The following IQGAP1 variants were observed in gnomAD, a reference collection of about 807,000 sequenced individuals.
IQGAP1 encodes ras GTPase-activating-like protein IQGAP1.
IQGAP1 carries 66 observed loss-of-function variants against 215.6 expected under a neutral mutation model. The observed-to-expected ratio is 0.31, with a 90% CI of 0.25 to 0.38. The LOEUF is 0.38. Ranked by LOEUF, IQGAP1 falls within the 10% of genes least tolerant of loss-of-function variation. The pLI is 1.00. For synonymous variants in IQGAP1, 772 were observed against 728.7 expected (o/e 1.06, Z -0.96); for missense variants, 1,712 against 1,997.1 (o/e 0.86, Z 2.72).
intron 25 of IQGAP1, 86 bp from the exon 26 acceptor site, chr15:90,477,579 C>G: frequency 1.0e-6 from 1 of 967,732 alleles, no homozygotes; most frequent in African/African-American, 1.6e-5. Context: ...GAAACTGTTT[C>G]AGGGAGATAG....
At chr15:90,461,879 C>A (rs1567134073) in intron 15 of IQGAP1, among the ~76,000 whole-genome samples, 1 of 151,830 alleles carries the variant, frequency 6.6e-6, no homozygotes, top group Admixed American at 6.6e-5. Context: ...GTGGCTTACA[C>A]CTGTAATCTT....
Position 90,429,664 on chromosome 15 carries a change from A to G in IQGAP1, c.388A>G (p.Lys130Glu), listed in dbSNP as rs762526956. 13 of 1,596,804 alleles carry G rather than the reference A, an allele frequency of 8.1e-6. No individual in the cohort carries two copies. In the African/African-American group the frequency reaches 1.5e-4, roughly 18 times the overall value. Residue 130 changes from lysine (K) to glutamate (E), a missense_variant and splice_region_variant, in exon 4 of 38, where the codon AAG becomes GAG. By Grantham distance (56) the Lys-to-Glu change is moderately conservative. Around this residue, in one of 2 missense-constraint regions of IQGAP1, gnomAD observed 1,021 missense variants for 1,074.2 expected, o/e 0.95. Coordinates refer to ENST00000268182, the MANE Select transcript of IQGAP1 (RefSeq NM_003870.4). ...TGCCATGGATGAGATTGGATTGCCT[A>G]AGGTAACTTACCTGAGATAATAGTT... ...LNAMDEIGLP[K>E]IFYPETTDIY...
chr15:90,460,014 T>C (rs1965739301), intron 15 of IQGAP1, among the ~76,000 whole-genome samples: 2 of 150,408 alleles, frequency 1.3e-5, no homozygotes, highest in Non-Finnish European at 3.0e-5. Context: ...CCGGAGTTTT[T>C]TGTGTGGGGG....
chr15:90,414,728 T>C (rs1355609997), intron 2 of IQGAP1, among the ~76,000 whole-genome samples: 4 of 152,194 alleles, frequency 2.6e-5, no homozygotes. Context: ...TATCTACTCT[T>C]GTGGTGCCAT....
chr15:90,389,371 G>A (rs1328887174), intron 1 of IQGAP1, among the ~76,000 whole-genome samples: 4 of 150,436 alleles, frequency 2.7e-5, no homozygotes, highest in Non-Finnish European at 5.9e-5. Context: ...GAGACAGGGG[G>A]TCTTGCTCTG....
chr15:90,458,184 G>A (rs935987341), intron 15 of IQGAP1, among the ~76,000 whole-genome samples: 5 of 152,240 alleles, frequency 3.3e-5, no homozygotes, highest in Admixed American at 1.3e-4. Context: ...TATCCAAGCT[G>A]TAGCAGTAGC....
intron 32 of IQGAP1, 40 bp downstream of exon 32, chr15:90,487,129 T>C: frequency 6.2e-7 from 1 of 1,610,336 alleles, no homozygotes; most frequent in Non-Finnish European, 8.5e-7. Context: ...GAATGTAATC[T>C]GAAGGTTTCT....
chr15:90,404,441 G>T (rs375764385), intron 2 of IQGAP1, among the ~76,000 whole-genome samples: 19 of 152,154 alleles, frequency 1.2e-4, no homozygotes, highest in East Asian at 9.6e-4. Flanking sequence ...AAAGCCATTT[G>T]TATGTTCTTT....
At chr15:90,410,032 G>A (rs1353078010) in intron 2 of IQGAP1, among the ~76,000 whole-genome samples, 1 of 152,098 alleles carries the variant, frequency 6.6e-6, no homozygotes, top group African/African-American at 2.4e-5. Flanking sequence ...TGAGTTCTTT[G>A]TAGGTTCTGG....
chr15:90,419,832 C>G (rs977032736), intron 2 of IQGAP1, among the ~76,000 whole-genome samples: 1 of 152,160 alleles, frequency 6.6e-6, no homozygotes, highest in African/African-American at 2.4e-5. Flanking sequence ...TACTCCTGTT[C>G]CATTTCAGGC....
intron 26 of IQGAP1, among the ~76,000 whole-genome samples, chr15:90,478,707 C>CT (rs961053618): frequency 3.3e-5 from 5 of 152,110 alleles, no homozygotes; most frequent in Non-Finnish European, 7.3e-5. Context: ...TCTGAACACT[C>CT]TAAGCTGGAG....
chr15:90,440,458 A>C, intron 6 of IQGAP1, 44 bp from the exon 7 acceptor site: 1 of 1,324,716 alleles, frequency 7.5e-7, no homozygotes. Flanking sequence ...TGGTTATGGA[A>C]GGGTGCTTAG....
At chr15:90,405,427 CTG>C (rs998794657) in intron 2 of IQGAP1, among the ~76,000 whole-genome samples, 1 of 152,168 alleles carries the variant, frequency 6.6e-6, no homozygotes, top group East Asian at 1.9e-4. Context: ...GACATAAAGA[CTG>C]TGAAGAGATT....
In IQGAP1 at chr15:90,477,886, C is replaced by G; in HGVS notation, c.3326C>G (p.Ala1109Gly). 1 of 1,584,672 alleles carries G rather than the reference C, an allele frequency of 6.3e-7. No homozygotes were observed. The highest frequency in any genetic ancestry group is 8.7e-7 in the Non-Finnish European group (1 of 1,153,140). ...CAGATGGAGTCTCAGACAGGAGAGG[C>G]AAGGTATGTTAACCATAATGACACT... is the stretch of plus-strand genomic sequence containing the variant. ...VNQMESQTGE[A>G]SKLPYDVTPE... Residue 1109 changes from alanine (A) to glycine (G), a missense_variant, in exon 26 of 38, where the codon GCA becomes GGA. Around this residue, in one of 2 missense-constraint regions of IQGAP1, gnomAD observed 691 missense variants for 923.0 expected, o/e 0.75. Transcript: ENST00000268182.
At chr15:90,458,348 T>A (rs1326338987) in intron 15 of IQGAP1, among the ~76,000 whole-genome samples, 1 of 152,258 alleles carries the variant, frequency 6.6e-6, no homozygotes, top group Non-Finnish European at 1.5e-5. Flanking sequence ...TTATTTGCAC[T>A]TTATTCGTGA....
intron 2 of IQGAP1, among the ~76,000 whole-genome samples, chr15:90,406,459 G>A (rs889989102): frequency 3.3e-5 from 5 of 152,238 alleles, no homozygotes; most frequent in Non-Finnish European, 7.3e-5. Flanking sequence ...CACCGTGCCC[G>A]GCCGGGGTTT....
At chr15:90,434,466 A>C (rs183953911) in intron 5 of IQGAP1, among the ~76,000 whole-genome samples, 11 of 152,072 alleles carry the variant, frequency 7.2e-5, no homozygotes, top group Non-Finnish European at 1.5e-4. Flanking sequence ...TCATAATAAT[A>C]ATAATAATTT....
chr15:90,394,846 G>A (rs1310713415), intron 2 of IQGAP1, among the ~76,000 whole-genome samples: 5 of 152,162 alleles, frequency 3.3e-5, no homozygotes, highest in African/African-American at 4.8e-5. Flanking sequence ...GCCCCATTGT[G>A]TATCCTAGGG....
At chr15:90,476,886 C>A in intron 24 of IQGAP1, 68 bp downstream of exon 24, 2 of 1,518,476 alleles carry the variant, frequency 1.3e-6, no homozygotes, top group Non-Finnish European at 1.8e-6. Flanking sequence ...AAAGCCTTAC[C>A]ATCGATCTCT....
Sources: gnomAD v4.1 joint callset for allele counts (sites outside exome capture counted in the v4.1 genomes callset) on GRCh38, gnomAD v4.1.1 for gene constraint, gnomAD v4.1.1 regional missense constraint, MANE v1.5 for transcripts, NCBI Gene and HGNC (gene_info 2026-07-23, HGNC 2026-07-21) for gene names.